PRDM9: variants seen among roughly 807,000 people sequenced by gnomAD.
PRDM9 encodes the protein PR/SET domain 9.
In PRDM9, 47 loss-of-function variants were observed where a neutral mutation model predicts 55.6. The observed-to-expected ratio is 0.85, with a 90% CI of 0.67 to 1.08. PRDM9 has a LOEUF of 1.08. Among genes scored for constraint, PRDM9 ranks in the 50% least tolerant of loss-of-function variants. PRDM9 has a pLI of 0.00. For synonymous variants in PRDM9, 312 were observed against 375.7 expected, an observed-to-expected ratio of 0.83 and a Z score of 1.96; for missense variants, 867 against 1,040.3, an observed-to-expected ratio of 0.83 and a Z score of 2.29.
intron 6 of PRDM9, among the ~76,000 whole-genome samples, 166 bp downstream of exon 6, chr5:23,521,345 A>T (rs1309208279): frequency 2.0e-5 from 3 of 152,062 alleles, no homozygotes; most frequent in African/African-American, 7.2e-5. Context: ...TTATTTATTT[A>T]TTTGTTCACT....
rs374866452 is a variant in PRDM9, at chr5:23,517,766, G to A, written c.302-115G>A. ...TGAGCCACTGCACTCCAGCCTGGGC[G>A]ACAGAGGGAGACTCCGTCTCAAAAA... is the stretch of plus-strand genomic sequence containing the variant. On this transcript the variant is annotated intron_variant, in intron 4 of 10. Transcript: ENST00000296682. 1.0e-3 allele frequency: 1,113 copies of A among 1,063,964 alleles called. 15 individuals are homozygous for A. The East Asian group carries it at 0.024, about 23-fold the overall frequency. The allele number at this position is 1,063,964 out of a possible 1,614,324, so 65.9% of individuals were successfully genotyped here.
chr5:23,523,369 T>C lies in PRDM9; in HGVS notation c.950+11T>C. On this transcript the variant is annotated intron_variant, in intron 9 of 10. Transcript: ENST00000296682. Reference sequence around the variant, plus strand: ...GGCCAACTGGATGAGGTAAGGCCAGTAGCTCTCTGAGTTGCAGAGAGAACC... The same window carrying C: ...GGCCAACTGGATGAGGTAAGGCCAGCAGCTCTCTGAGTTGCAGAGAGAACC... The C allele has an allele frequency of 6.2e-7, 1 of 1,607,888 alleles. No homozygotes were observed. Among genetic ancestry groups the C allele is most frequent in the Non-Finnish European group, 8.5e-7 (1 of 1,174,310 alleles).
At chr5:23,512,039 C>T (rs1739109457) in intron 4 of PRDM9, among the ~76,000 whole-genome samples, 1 of 150,844 alleles carries the variant, frequency 6.6e-6, no homozygotes. Flanking sequence ...TGAAAGCAAA[C>T]TTAATTAAAC....
chr5:23,517,197 T>A (rs1739230852), intron 4 of PRDM9, among the ~76,000 whole-genome samples: 1 of 150,590 alleles, frequency 6.6e-6, no homozygotes, highest in Non-Finnish European at 1.5e-5. Flanking sequence ...TCTTTTATGA[T>A]CTTTTTATGT....
intron 5 of PRDM9, among the ~76,000 whole-genome samples, chr5:23,520,171 C>T (rs1302254993): frequency 6.6e-6 from 1 of 151,704 alleles, no homozygotes; most frequent in African/African-American, 2.4e-5. Context: ...TCGAGACCAT[C>T]CTGGCCAACC....
intron 8 of PRDM9, 103 bp from the exon 9 acceptor site, chr5:23,523,188 C>A: frequency 7.3e-7 from 1 of 1,367,458 alleles, no homozygotes; most frequent in Non-Finnish European, 1.0e-6. Flanking sequence ...CAATTGGCAG[C>A]TGAAGCTATG....
At chr5:23,518,553 AG>A (rs1739264134) in intron 5 of PRDM9, among the ~76,000 whole-genome samples, 1 of 152,244 alleles carries the variant, frequency 6.6e-6, no homozygotes, top group Admixed American at 6.5e-5. Context: ...AGAAGGAGAT[AG>A]GGTCCCTACC....
At chr5:23,514,696 G>C (rs1739170011) in intron 4 of PRDM9, among the ~76,000 whole-genome samples, 1 of 151,974 alleles carries the variant, frequency 6.6e-6, no homozygotes, top group Non-Finnish European at 1.5e-5. Context: ...CACCTCCTCG[G>C]CCTCCCAAAG....
At chr5:23,519,997 T>A (rs533969034) in intron 5 of PRDM9, among the ~76,000 whole-genome samples, 136 of 151,082 alleles carry the variant, frequency 9.0e-4, no homozygotes, top group Non-Finnish European at 1.5e-3. Context: ...TGAGCTGAGA[T>A]CGTGCCACTG....
chr5:23,522,155 A>C (rs1464806801), intron 6 of PRDM9, 149 bp from the exon 7 acceptor site: 3 of 755,408 alleles, frequency 4.0e-6, no homozygotes, highest in African/African-American at 3.4e-5. Flanking sequence ...GTGGGGTCTA[A>C]GTCTCTCTGA....
rs747062489 is a variant in PRDM9 at position 23,523,354 on chromosome 5, A to G, written c.946A>G (p.Met316Val). ...DGKDKSWANWMRYVNCARDDE... is the reference protein window; with the variant it reads ...DGKDKSWANWVRYVNCARDDE... ...AAAAGATAAATCCTGGGCCAACTGG[A>G]TGAGGTAAGGCCAGTAGCTCTCTGA... The change falls in exon 9 of 11, where the codon ATG (methionine) becomes GTG (valine). Residue 316 changes from methionine to valine, a missense_variant. Physicochemically the swap from Met to Val is conservative, Grantham distance 21. Coordinates refer to ENST00000296682, the MANE Select transcript of PRDM9 (RefSeq NM_020227.4). The G allele has an allele frequency of 1.2e-6, 2 of 1,612,506 alleles. No individual in the cohort carries two copies. The highest frequency in any genetic ancestry group is 1.7e-5 in the Admixed American group (1 of 60,016).
Position 23,527,828 on chromosome 5 carries a change from C to A in PRDM9, c.*55C>A. ...GCCACAAAAAGACAAATGTGGTCAC[C>A]ACACACTTGCACACCCCAGCTGTGA... On this transcript the variant is annotated 3_prime_UTR_variant, in exon 11 of 11. Coordinates refer to ENST00000296682, the MANE Select transcript of PRDM9 (RefSeq NM_020227.4). The A allele has an allele frequency of 4.4e-6, 7 of 1,600,710 alleles. No homozygotes were observed. The highest frequency in any genetic ancestry group is 6.0e-6 in the Non-Finnish European group (7 of 1,169,924).
chr5:23,516,216 T>G (rs1353316026), intron 4 of PRDM9, among the ~76,000 whole-genome samples: 3 of 152,152 alleles, frequency 2.0e-5, no homozygotes, highest in Non-Finnish European at 4.4e-5. Context: ...AGTGTTCAAG[T>G]TTTTTGCCTC....
intron 6 of PRDM9, among the ~76,000 whole-genome samples, chr5:23,521,697 A>T (rs1234191791): frequency 6.6e-6 from 1 of 152,204 alleles, no homozygotes; most frequent in African/African-American, 2.4e-5. Flanking sequence ...CACTTGGGTT[A>T]TAATCTACAT....
chr5:23,515,301 G>A (rs1239177839), intron 4 of PRDM9, among the ~76,000 whole-genome samples: 3 of 152,026 alleles, frequency 2.0e-5, no homozygotes, highest in Admixed American at 1.3e-4. Flanking sequence ...TTGAGTCAGA[G>A]GTCTCACTAT....
intron 3 of PRDM9, 31 bp from the exon 4 acceptor site, chr5:23,509,889 A>AT (rs1415625043): frequency 2.5e-6 from 4 of 1,612,996 alleles, no homozygotes; most frequent in Non-Finnish European, 3.4e-6. Context: ...CAGCTCTTCC[A>AT]TTTTAGAACA....
At chr5:23,517,762 G>A (rs2126419593) in intron 4 of PRDM9, 119 bp from the exon 5 acceptor site, 1 of 1,017,012 alleles carries the variant, frequency 9.8e-7, no homozygotes, top group Admixed American at 1.8e-5. Flanking sequence ...ACTCCAGCCT[G>A]GGCGACAGAG....
chr5:23,512,081 A>G (rs1739110521), intron 4 of PRDM9, among the ~76,000 whole-genome samples: 1 of 152,144 alleles, frequency 6.6e-6, no homozygotes, highest in Non-Finnish European at 1.5e-5. Context: ...TCTAATACCA[A>G]TCTCATAATA....
At chr5:23,523,203 C>A in intron 8 of PRDM9, 88 bp from the exon 9 acceptor site, 1 of 1,458,380 alleles carries the variant, frequency 6.9e-7, no homozygotes, top group Non-Finnish European at 9.6e-7. Context: ...GCTATGCAGG[C>A]CCAAAGGCCA....
Sources: allele counts gnomAD v4.1 joint callset (sites outside exome capture counted in the v4.1 genomes callset), GRCh38; gene constraint gnomAD v4.1.1; transcripts MANE v1.5; gene names NCBI Gene and HGNC (gene_info 2026-07-23, HGNC 2026-07-21).